Variants in RAPGEF2 observed in about 807,000 individuals in gnomAD.
The protein encoded by RAPGEF2 is PDZ domain containing guanine nucleotide exchange factor (GEF) 1.
In RAPGEF2, 54 loss-of-function variants were observed where a neutral mutation model predicts 186.7. The ratio of observed to expected loss-of-function variants is 0.29; its 90% confidence interval spans 0.23 to 0.36. RAPGEF2 has a LOEUF of 0.36. Ranked by LOEUF, RAPGEF2 falls within the 10% of genes least tolerant of loss-of-function variation. The probability of loss-of-function intolerance (pLI) is 1.00; values close to 1 mark genes in which losing one functional copy is unlikely to be tolerated. For missense variants in RAPGEF2, 1,532 were observed against 2,045.0 expected (o/e 0.75, Z 4.84); for synonymous variants, 712 against 705.9 (o/e 1.01, Z -0.14).
At chr4:159,122,038 C>CAAAAAAAAAA (rs70962654) in intron 1 of RAPGEF2, among the ~76,000 whole-genome samples, 2 of 51,442 alleles carry the variant, frequency 3.9e-5, no homozygotes, top group African/African-American at 7.6e-5. Flanking sequence ...GACTCCATCT[C>CAAAAAAAAAA]AAAAAAAAAA....
At chr4:159,278,179 C>G (rs1230988206) in intron 7 of RAPGEF2, among the ~76,000 whole-genome samples, 1 of 152,120 alleles carries the variant, frequency 6.6e-6, no homozygotes, top group Non-Finnish European at 1.5e-5. Context: ...CCAGTTTTCC[C>G]AGTACCATCT....
At chr4:159,350,323 G>A in intron 26 of RAPGEF2, 34 bp downstream of exon 26, 1 of 1,485,672 alleles carries the variant, frequency 6.7e-7, no homozygotes, top group South Asian at 1.4e-5. Flanking sequence ...TTCTTGTATT[G>A]AAACCTATAC....
intron 1 of RAPGEF2, among the ~76,000 whole-genome samples, chr4:159,134,384 A>G (rs965517422): frequency 1.3e-5 from 2 of 152,188 alleles, no homozygotes; most frequent in Non-Finnish European, 2.9e-5. Flanking sequence ...TTCTTTCTCC[A>G]AGTGATGAAT....
intron 28 of RAPGEF2, among the ~76,000 whole-genome samples, chr4:159,354,862 T>C (rs939339165): frequency 2.1e-4 from 32 of 152,240 alleles, no homozygotes; most frequent in South Asian, 2.1e-4. Flanking sequence ...AGATGTGTTT[T>C]CTATGGCACA....
chr4:159,222,337 T>A (rs1751625090), intron 4 of RAPGEF2, among the ~76,000 whole-genome samples: 1 of 152,192 alleles, frequency 6.6e-6, no homozygotes, highest in Non-Finnish European at 1.5e-5. Flanking sequence ...AGAGAAGGAC[T>A]CATATTTTTT....
At chr4:159,235,884 A>G (rs1753201162) in intron 4 of RAPGEF2, among the ~76,000 whole-genome samples, 1 of 152,102 alleles carries the variant, frequency 6.6e-6, no homozygotes, top group Non-Finnish European at 1.5e-5. Flanking sequence ...TGTTTCTTCC[A>G]ACCTTATAGC....
intron 7 of RAPGEF2, among the ~76,000 whole-genome samples, chr4:159,245,729 C>T (rs188334751): frequency 1.3e-5 from 2 of 152,180 alleles, no homozygotes; most frequent in East Asian, 1.9e-4. Flanking sequence ...TGGCACATTC[C>T]TCTTCCATCA....
chr4:159,130,976 C>T (rs1416845730), intron 1 of RAPGEF2, among the ~76,000 whole-genome samples: 1 of 152,116 alleles, frequency 6.6e-6, no homozygotes, highest in Non-Finnish European at 1.5e-5. Context: ...GGATTACAGG[C>T]GCAGCCACAC....
At chr4:159,317,517 C>T (rs1764744024) in intron 9 of RAPGEF2, among the ~76,000 whole-genome samples, 1 of 152,166 alleles carries the variant, frequency 6.6e-6, no homozygotes, top group African/African-American at 2.4e-5. Flanking sequence ...TGGAATGGTT[C>T]TGTTTCACCC....
chr4:159,355,756 A>T, intron 28 of RAPGEF2, 97 bp from the exon 29 acceptor site: 1 of 1,151,494 alleles, frequency 8.7e-7, no homozygotes, highest in African/African-American at 1.6e-5. Context: ...ATCTGCTGCT[A>T]CACTGTGGAT....
At chr4:159,334,263 T>G (rs1767094610) in intron 17 of RAPGEF2, among the ~76,000 whole-genome samples, 1 of 152,200 alleles carries the variant, frequency 6.6e-6, no homozygotes, top group Non-Finnish European at 1.5e-5. Flanking sequence ...TTAATTTATT[T>G]TTTTGAGACA....
chr4:159,256,570 G>T (rs1756191996), intron 7 of RAPGEF2, among the ~76,000 whole-genome samples: 2 of 152,242 alleles, frequency 1.3e-5, no homozygotes, highest in South Asian at 4.1e-4. Context: ...CCCAGTAATG[G>T]GATTGCTGGG....
intron 7 of RAPGEF2, among the ~76,000 whole-genome samples, chr4:159,293,785 C>G (rs1179462673): frequency 3.9e-5 from 6 of 152,204 alleles, no homozygotes; most frequent in African/African-American, 1.4e-4. Context: ...TGCAGCCCCT[C>G]TCCATTTTTT....
At chr4:159,206,353 G>A (rs556240713) in intron 3 of RAPGEF2, among the ~76,000 whole-genome samples, 4 of 152,210 alleles carry the variant, frequency 2.6e-5, no homozygotes, top group Non-Finnish European at 4.4e-5. Flanking sequence ...TGAGTGTGTC[G>A]TAAAGACAAA....
intron 1 of RAPGEF2, among the ~76,000 whole-genome samples, chr4:159,119,287 CAAT>C: frequency 6.6e-6 from 1 of 151,794 alleles, no homozygotes; most frequent in East Asian, 1.9e-4. Context: ...GTAGTTGCCT[CAAT>C]AATCAGGAAA....
Position 159,353,842 on chromosome 4 carries a change from T to G in RAPGEF2, c.4447T>G (p.Ser1483Ala), listed in dbSNP as rs891701369. ...TAGAGAGAGCCTTGAACAAGCCCAGTCCCGAGCAAGCTGGGCGTCTTCCAC... is the reference window on the plus strand; with the variant it reads ...TAGAGAGAGCCTTGAACAAGCCCAGGCCCGAGCAAGCTGGGCGTCTTCCAC... ...QSRESLEQAQ[S>A]RASWASSTGY... Residue 1483 changes from serine to alanine, a missense_variant, in exon 28 of 30, where the codon TCC (serine) becomes GCC (alanine). By Grantham distance (99) the Ser-to-Ala change is moderately conservative (BLOSUM62 1). Coordinates refer to ENST00000691494, the MANE Select transcript of RAPGEF2 (RefSeq NM_001394067.2). This position sits in a 1 kb window ranked among gnomAD's most constrained non-coding sequence, Gnocchi z 4.3. 2 of 1,614,116 alleles carry G rather than the reference T, an allele frequency of 1.2e-6. No individual in the cohort carries two copies. Among genetic ancestry groups the G allele is most frequent in the African/African-American group, 2.7e-5 (2 of 74,954 alleles).
rs548888002 is a variant in RAPGEF2 at position 159,261,333 on chromosome 4, A to G, written c.543+17542A>G. ...CACCTTGACCTCCCAAAGTGCTGGG[A>G]TTACGGGCGTGAGCCACCGCATCCA... is the stretch of plus-strand genomic sequence containing the variant. On this transcript the variant is annotated intron_variant, in intron 7 of 29. Coordinates refer to ENST00000691494, the MANE Select transcript of RAPGEF2 (RefSeq NM_001394067.2). Among the ~76,000 whole-genome samples the G allele has an allele frequency of 7.9e-5, 12 of 152,272 alleles. 1 individual carries two copies. The South Asian group carries it at 2.1e-3, about 26-fold the overall frequency.
intron 3 of RAPGEF2, among the ~76,000 whole-genome samples, chr4:159,200,134 T>A (rs1343704062): frequency 6.6e-6 from 1 of 152,134 alleles, no homozygotes; most frequent in African/African-American, 2.4e-5. Context: ...TAACTCCCAG[T>A]GTTTCACTCC....
In RAPGEF2 at chr4:159,238,252, A is replaced by G. The variant is rs533982135; in HGVS notation, c.282-557A>G. On this transcript the variant is annotated intron_variant, in intron 4 of 29. Coordinates refer to ENST00000691494, the MANE Select transcript of RAPGEF2 (RefSeq NM_001394067.2). ...TCAGGAGGAATGAGCTTTTAGTAGT[A>G]CATCAACTGAAATAACTTTACCATA... Among the ~76,000 whole-genome samples, 735 of 152,340 alleles carry G rather than the reference A, an allele frequency of 4.8e-3. 9 individuals are homozygous for G. Among genetic ancestry groups the G allele is most frequent in the Non-Finnish European group, 8.9e-3 (607 of 68,022 alleles).
Sources: gnomAD v4.1 joint callset for allele counts (sites outside exome capture counted in the v4.1 genomes callset) on GRCh38, gnomAD v4.1.1 for gene constraint, Gnocchi (gnomAD v3.1) non-coding constraint, MANE v1.5 for transcripts, NCBI Gene and HGNC (gene_info 2026-07-23, HGNC 2026-07-21) for gene names.